PARD3: variants seen among roughly 807,000 people sequenced by gnomAD.
The protein encoded by PARD3 is par-3 family cell polarity regulator.
PARD3 carries 75 observed loss-of-function variants against 155.4 expected under a neutral mutation model. The ratio of observed to expected loss-of-function variants is 0.48; its 90% CI spans 0.40 to 0.58. PARD3 has a LOEUF of 0.58. PARD3 is among the 20% of genes least tolerant of loss of function. The probability of loss-of-function intolerance (pLI) is 0.00; values close to 1 mark genes in which losing one functional copy is unlikely to be tolerated. For missense variants in PARD3, 1,642 were observed against 1,721.7 expected, an observed-to-expected ratio of 0.95 and a Z score of 0.82; for synonymous variants, 576 against 610.5, an observed-to-expected ratio of 0.94 and a Z score of 0.83.
chr10:34,131,670 T>TG, intron 22 of PARD3, 87 bp from the exon 23 acceptor site: 1 of 1,133,912 alleles, frequency 8.8e-7, no homozygotes, highest in Admixed American at 1.9e-5. Context: ...CAACTTGCTG[T>TG]GAAATGACGC....
intron 12 of PARD3, 31 bp downstream of exon 12, chr10:34,372,467 C>A: frequency 6.4e-7 from 1 of 1,558,480 alleles, no homozygotes; most frequent in Non-Finnish European, 8.9e-7. Flanking sequence ...TTTCCAACAT[C>A]TCTGCATCCT....
In PARD3 at chr10:34,380,567, T is replaced by C. The variant is rs554540716; in HGVS notation, c.1399+1973A>G. ...AGATATACTCATTATTTTCCTTTTT[T>C]TGGAGAATCTGTATTCTGTTTAATA... On this transcript the variant is annotated intron_variant, in intron 9 of 24. Transcript: ENST00000374788. 2.6e-5 allele frequency among the ~76,000 whole-genome samples: 4 copies of C among 152,306 alleles called. No individual in the cohort carries two copies. The South Asian group carries it at 8.3e-4, about 32-fold the overall frequency.
At chr10:34,694,706 T>G (rs1253986660) in intron 2 of PARD3, among the ~76,000 whole-genome samples, 1 of 152,086 alleles carries the variant, frequency 6.6e-6, no homozygotes. Flanking sequence ...TGATACAATG[T>G]ATTCCTGACC....
At chr10:34,770,878 T>C (rs1391369073) in intron 1 of PARD3, among the ~76,000 whole-genome samples, 2 of 152,278 alleles carry the variant, frequency 1.3e-5, no homozygotes, top group East Asian at 1.9e-4. Context: ...AGTGAGGCCA[T>C]GGATTTGCCA....
chr10:34,486,478 G>T (rs1336203013), intron 3 of PARD3, among the ~76,000 whole-genome samples: 3 of 152,208 alleles, frequency 2.0e-5, no homozygotes, highest in African/African-American at 7.2e-5. Context: ...CATGAGCAGA[G>T]AAAACTGCAT....
chr10:34,387,178 C>T (rs892369341), intron 7 of PARD3, among the ~76,000 whole-genome samples: 15 of 152,114 alleles, frequency 9.9e-5, no homozygotes, highest in African/African-American at 2.9e-4. Context: ...AATATGACTA[C>T]AATATTACTG....
At chr10:34,142,377 A>G (rs1320396739) in intron 22 of PARD3, among the ~76,000 whole-genome samples, 1 of 144,264 alleles carries the variant, frequency 6.9e-6, no homozygotes, top group African/African-American at 2.5e-5. Flanking sequence ...CCCCATCTCT[A>G]AAAAAAAAAA....
intron 22 of PARD3, among the ~76,000 whole-genome samples, chr10:34,250,110 C>T (rs2248686): frequency 0.12 from 17,469 of 151,644 alleles, 2,726 homozygotes; most frequent in African/African-American, 0.36. Flanking sequence ...AAAATTTACA[C>T]GTTATTATCA....
intron 22 of PARD3, among the ~76,000 whole-genome samples, chr10:34,164,796 G>A (rs1053244784): frequency 4.8e-5 from 7 of 146,110 alleles, no homozygotes; most frequent in African/African-American, 1.1e-4. Flanking sequence ...CTAGCTGGAC[G>A]CACACACATA....
chr10:34,233,290 A>G (rs753930114), intron 22 of PARD3, among the ~76,000 whole-genome samples: 8 of 151,776 alleles, frequency 5.3e-5, no homozygotes, highest in African/African-American at 9.7e-5. Flanking sequence ...ATAGGACTGC[A>G]TTCTCTTGAT....
At chr10:34,387,809 T>C (rs994880975) in intron 7 of PARD3, among the ~76,000 whole-genome samples, 6 of 152,244 alleles carry the variant, frequency 3.9e-5, no homozygotes, top group African/African-American at 1.4e-4. Flanking sequence ...ATGTGTTTTT[T>C]TTCTGGTAAT....
intron 18 of PARD3, among the ~76,000 whole-genome samples, chr10:34,331,979 G>A (rs1204896725): frequency 4.6e-5 from 7 of 152,124 alleles, no homozygotes; most frequent in African/African-American, 1.7e-4. Context: ...CACAAGCTTT[G>A]AACGGAAACA....
At chr10:34,161,208 G>A (rs1408830229) in intron 22 of PARD3, among the ~76,000 whole-genome samples, 1 of 141,342 alleles carries the variant, frequency 7.1e-6, no homozygotes, top group East Asian at 2.1e-4. Context: ...CTGTGCCACT[G>A]CACTCCAGGC....
chr10:34,157,607 A>G (rs1467638972), intron 22 of PARD3, among the ~76,000 whole-genome samples: 1 of 152,228 alleles, frequency 6.6e-6, no homozygotes, highest in African/African-American at 2.4e-5. Flanking sequence ...AGGATTCCCT[A>G]TTCCCAAATC....
intron 12 of PARD3, among the ~76,000 whole-genome samples, chr10:34,369,213 G>C (rs566162586): frequency 1.3e-5 from 2 of 152,150 alleles, no homozygotes; most frequent in South Asian, 4.1e-4. Flanking sequence ...TGAGATCTGT[G>C]GGCCGCATGT....
chr10:34,659,135 G>T (rs1331220937), intron 2 of PARD3, among the ~76,000 whole-genome samples: 1 of 152,146 alleles, frequency 6.6e-6, no homozygotes, highest in Non-Finnish European at 1.5e-5. Flanking sequence ...AGCACAAAGT[G>T]AGGAACCAGG....
intron 22 of PARD3, among the ~76,000 whole-genome samples, chr10:34,253,917 C>T (rs1954481078): frequency 6.6e-6 from 1 of 151,956 alleles, no homozygotes; most frequent in South Asian, 2.1e-4. Context: ...TGACGGGCAG[C>T]AGAGACTTGG....
At chr10:34,686,235 T>G (rs2093952437) in intron 2 of PARD3, among the ~76,000 whole-genome samples, 1 of 152,190 alleles carries the variant, frequency 6.6e-6, no homozygotes, top group African/African-American at 2.4e-5. Context: ...GTTAACAAAT[T>G]AGAATCTGGA....
intron 22 of PARD3, among the ~76,000 whole-genome samples, chr10:34,247,300 G>C (rs568226885): frequency 6.6e-6 from 1 of 152,206 alleles, no homozygotes; most frequent in Non-Finnish European, 1.5e-5. Context: ...TCAGGAGTTC[G>C]AGACCAGCCT....
Sources: gnomAD v4.1 joint callset for allele counts (sites outside exome capture counted in the v4.1 genomes callset) on GRCh38, gnomAD v4.1.1 for gene constraint, MANE v1.5 for transcripts, NCBI Gene and HGNC (gene_info 2026-07-23, HGNC 2026-07-21) for gene names.